Variants in CAMTA2 observed in about 807,000 individuals in gnomAD.
CAMTA2 encodes the protein calmodulin-binding transcription activator 2.
In CAMTA2, 56 loss-of-function variants were observed where a neutral mutation model predicts 135.7. The observed-to-expected ratio is 0.41, with a 90% CI of 0.33 to 0.52. CAMTA2 has a LOEUF of 0.52. Ranked by LOEUF, CAMTA2 falls within the 20% of genes least tolerant of loss-of-function variation. The pLI is 0.16. For synonymous variants in CAMTA2, 591 were observed against 604.6 expected, an observed-to-expected ratio of 0.98 and a Z score of 0.33; for missense variants, 1,358 against 1,553.4, an observed-to-expected ratio of 0.87 and a Z score of 2.11.
At chr17:4,983,150 A>T in intron 3 of CAMTA2, 107 bp from the exon 4 acceptor site, 2 of 930,914 alleles carry the variant, frequency 2.1e-6, no homozygotes, top group South Asian at 2.7e-5. Flanking sequence ...TCTGGCAGCT[A>T]GTGGAGGATG....
chr17:4,974,549 C>T (rs377484670), intron 11 of CAMTA2, 49 bp from the exon 12 acceptor site: 81 of 1,105,668 alleles, frequency 7.3e-5, no homozygotes, highest in Non-Finnish European at 1.1e-4. Context: ...TAGGTGATGC[C>T]CTGAACACCA....
chr17:4,977,527 TG>T (rs1261381729), intron 10 of CAMTA2, among the ~76,000 whole-genome samples: 3 of 152,238 alleles, frequency 2.0e-5, no homozygotes, highest in Non-Finnish European at 4.4e-5. Context: ...GATCAGAGTC[TG>T]GAAGTTATGA....
Position 4,969,486 on chromosome 17 carries a change from C to T in CAMTA2, c.3282+14G>A, listed in dbSNP as rs1240855191. The T allele has an allele frequency of 2.5e-6, 4 of 1,613,914 alleles. No individual in the cohort carries two copies. Among genetic ancestry groups the T allele is most frequent in the South Asian group, 2.2e-5 (2 of 91,084 alleles). ...ATCATCACAGACCTCACACTCAGAGCTCATGCCTAATACCTTAAGTGCAAT... is the reference window on the plus strand; with the variant it reads ...ATCATCACAGACCTCACACTCAGAGTTCATGCCTAATACCTTAAGTGCAAT... On this transcript the variant is annotated intron_variant, in intron 20 of 22. Transcript: ENST00000348066. This position sits in a 1 kb window ranked among gnomAD's most constrained non-coding sequence, Gnocchi z 5.6.
Position 4,968,830 on chromosome 17 carries a change from A to G in CAMTA2, c.3546-11T>C. The G allele has an allele frequency of 1.2e-6, 2 of 1,613,806 alleles. No individual in the cohort carries two copies. The highest frequency in any genetic ancestry group is 1.7e-6 in the Non-Finnish European group (2 of 1,179,708). ...TTCAGTTCCCTCATCCTGCAGAGAG[A>G]AAGATAGGAGTCAGAGGAGACTGGC... On this transcript the variant is annotated splice_polypyrimidine_tract_variant and intron_variant, in intron 22 of 22. Coordinates refer to ENST00000348066, the MANE Select transcript of CAMTA2 (RefSeq NM_015099.4).
Position 4,969,607 on chromosome 17 carries a change from C to T in CAMTA2, c.3261+23G>A, listed in dbSNP as rs751729751. ...GTGGGTTGGTGGGTTGCTGGTTACA[C>T]TTTTGAGGGAGAAGGGTCTCACCTG... On this transcript the variant is annotated intron_variant, in intron 19 of 22. Transcript: ENST00000348066. This position sits in a 1 kb window ranked among gnomAD's most constrained non-coding sequence, Gnocchi z 5.6. 3.1e-6 allele frequency: 5 copies of T among 1,613,912 alleles called. No homozygotes were observed. Among genetic ancestry groups the T allele is most frequent in the African/African-American group, 1.3e-5 (1 of 74,882 alleles).
intron 10 of CAMTA2, among the ~76,000 whole-genome samples, chr17:4,977,661 C>G (rs1972695481): frequency 6.6e-6 from 1 of 152,226 alleles, no homozygotes; most frequent in African/African-American, 2.4e-5. Flanking sequence ...CTCCCAGTCC[C>G]CAGATTCTCT....
chr17:4,970,536 C>T lies in CAMTA2; in HGVS notation c.2809G>A (p.Val937Met). 6.2e-7 allele frequency: 1 copy of T among 1,608,090 alleles called. No individual in the cohort carries two copies. Among genetic ancestry groups the T allele is most frequent in the Non-Finnish European group, 8.5e-7 (1 of 1,179,350 alleles). Residue 937 changes from valine (V) to methionine (M), a missense_variant and splice_region_variant, in exon 17 of 23, where the codon GTG becomes ATG. Transcript: ENST00000348066. Reference sequence around the variant, plus strand: ...TGCTTGGCTAGTGAGATCATGTCCACCTGGAAGAAGGGAGAAGCTGAGTGA... The same window carrying T: ...TGCTTGGCTAGTGAGATCATGTCCATCTGGAAGAAGGGAGAAGCTGAGTGA... ...DSPQAVDVIP[V>M]DMISLAKQII...
At chr17:4,981,625 G>A in intron 7 of CAMTA2, 53 bp downstream of exon 7, 2 of 1,527,802 alleles carry the variant, frequency 1.3e-6, no homozygotes, top group South Asian at 2.5e-5. Context: ...GCCCCTCTGG[G>A]AGCCCTGTTT....
intron 3 of CAMTA2, among the ~76,000 whole-genome samples, chr17:4,984,911 G>A (rs1405300890): frequency 2.6e-5 from 4 of 152,272 alleles, no homozygotes; most frequent in South Asian, 2.1e-4. Flanking sequence ...CAGCTACTCC[G>A]GAGGCTGAGG....
At chr17:4,973,314 A>G (rs1271148026) in intron 13 of CAMTA2, 61 bp from the exon 14 acceptor site, 21 of 1,382,420 alleles carry the variant, frequency 1.5e-5, no homozygotes, top group Non-Finnish European at 2.2e-5. Flanking sequence ...CAAAGCAGGA[A>G]CATCAGAAGT....
intron 1 of CAMTA2, chr17:4,987,164 C>T (rs992390885): frequency 1.3e-5 from 17 of 1,346,934 alleles, no homozygotes; most frequent in Non-Finnish European, 5.7e-6. Context: ...GGCAGCCTGC[C>T]AGGGTGCGGA....
intron 3 of CAMTA2, among the ~76,000 whole-genome samples, chr17:4,985,022 A>AC (rs1973177390): frequency 8.2e-6 from 1 of 122,598 alleles, no homozygotes; most frequent in African/African-American, 2.7e-5. Flanking sequence ...ATCTCAAAAA[A>AC]AAAACAAACA....
Position 4,974,468 on chromosome 17 carries a change from G to T in CAMTA2, c.1933C>A (p.Leu645Met). Reference protein sequence around the residue: ...NQFRMSILERLEQMEKRMAEI... With the variant: ...NQFRMSILERMEQMEKRMAEI... The stretch of plus-strand genomic sequence containing the variant: ...GCCATCCGCTTCTCCATCTGCTCCA[G>T]TCGCTCTAGTATGGACATCCGGAAC... The change falls in exon 12 of 23, where the codon CTG becomes ATG. Residue 645 changes from leucine to methionine, a missense_variant. This residue lies in a region of CAMTA2 where 1,077 missense variants were observed against 1,127.5 expected (regional missense o/e 0.96). Transcript: ENST00000348066. The T allele has an allele frequency of 1.2e-6, 2 of 1,613,996 alleles. No individual in the cohort carries two copies. The highest frequency in any genetic ancestry group is 1.7e-6 in the Non-Finnish European group (2 of 1,179,880).
At chr17:4,986,801 C>T in intron 1 of CAMTA2, 1 of 633,344 alleles carries the variant, frequency 1.6e-6, no homozygotes, top group East Asian at 3.0e-5. Flanking sequence ...CTAACCTATT[C>T]TCTCCTCCAG....
intron 13 of CAMTA2, 124 bp from the exon 14 acceptor site, chr17:4,973,377 A>T (rs1268908466): frequency 3.3e-6 from 3 of 901,180 alleles, no homozygotes; most frequent in Non-Finnish European, 5.4e-6. Context: ...GCAGTCAAGG[A>T]CACTAGCTTA....
chr17:4,983,205 A>T, intron 3 of CAMTA2, 162 bp from the exon 4 acceptor site: 1 of 622,052 alleles, frequency 1.6e-6, no homozygotes, highest in South Asian at 2.0e-5. Flanking sequence ...CCTCCTAAGA[A>T]CCCTTCTTTT....
intron 5 of CAMTA2, 88 bp downstream of exon 5, chr17:4,982,669 T>C (rs949379270): frequency 2.1e-6 from 3 of 1,448,414 alleles, no homozygotes; most frequent in South Asian, 2.4e-5. Flanking sequence ...AGGTGGACAA[T>C]GCCACCAAGC....
chr17:4,975,210 G>A (rs949631456), intron 11 of CAMTA2, among the ~76,000 whole-genome samples: 4 of 152,090 alleles, frequency 2.6e-5, no homozygotes, highest in Non-Finnish European at 2.9e-5. Context: ...AGACACAAAC[G>A]GTGAAGGTTG....
intron 3 of CAMTA2, among the ~76,000 whole-genome samples, chr17:4,985,118 G>C (rs1467690463): frequency 6.6e-6 from 1 of 151,122 alleles, no homozygotes; most frequent in African/African-American, 2.4e-5. Flanking sequence ...TCCAGGAGGC[G>C]GGGGTTGCAG....
Sources: allele counts gnomAD v4.1 joint callset (sites outside exome capture counted in the v4.1 genomes callset), GRCh38; gene constraint gnomAD v4.1.1; regional missense constraint gnomAD v4.1.1; non-coding constraint Gnocchi (gnomAD v3.1); transcripts MANE v1.5; gene names NCBI Gene and HGNC (gene_info 2026-07-23, HGNC 2026-07-21).